PACSIN2: variants seen among roughly 807,000 people sequenced by gnomAD.
The protein encoded by PACSIN2 is protein kinase C and casein kinase substrate in neurons protein 2.
Under a neutral mutation model 63.8 loss-of-function variants are expected in PACSIN2, and 25 were observed. That is an observed-to-expected ratio of 0.39 (90% CI 0.29 to 0.55). The LOEUF (loss-of-function observed/expected upper bound fraction) is 0.55, where lower values mean the gene tolerates loss of function less well. Ranked by LOEUF, PACSIN2 falls within the 20% of genes least tolerant of loss-of-function variation. The pLI is 0.62. For synonymous variants in PACSIN2, 255 were observed against 256.2 expected, an observed-to-expected ratio of 1.00 and a Z score of 0.05; for missense variants, 518 against 646.9, an observed-to-expected ratio of 0.80 and a Z score of 2.16.
chr22:43,014,645 C>T (rs942307430), intron 1 of PACSIN2, among the ~76,000 whole-genome samples: 1 of 151,958 alleles, frequency 6.6e-6, no homozygotes, highest in Non-Finnish European at 1.5e-5. Flanking sequence ...CTGTCTACAC[C>T]TCCCCCACTC....
chr22:42,941,878 G>A lies in PACSIN2; in HGVS notation c.-77-29721C>T, dbSNP rs187601278. Reference sequence around the variant, plus strand: ...TGCAACCTCTGACTCCTGGGTTCAAGCGATTCTCCTGCCTCAGCCTCCTGA... The same window carrying A: ...TGCAACCTCTGACTCCTGGGTTCAAACGATTCTCCTGCCTCAGCCTCCTGA... On this transcript the variant is annotated intron_variant, in intron 1 of 10. Coordinates refer to ENST00000263246, the MANE Select transcript of PACSIN2 (RefSeq NM_001184970.3). Among the ~76,000 whole-genome samples, 378 of 152,280 alleles carry A rather than the reference G, an allele frequency of 2.5e-3. 2 individuals are homozygous for A. The highest frequency in any genetic ancestry group is 7.9e-3 in the South Asian group (38 of 4,826).
intron 1 of PACSIN2, among the ~76,000 whole-genome samples, chr22:42,951,953 A>G (rs1032362502): frequency 3.6e-4 from 55 of 152,176 alleles, no homozygotes; most frequent in African/African-American, 1.3e-3. Context: ...TCTGCCGGGA[A>G]TACCTGCCTC....
intron 1 of PACSIN2, among the ~76,000 whole-genome samples, chr22:42,914,996 T>G (rs1931718651): frequency 6.6e-6 from 1 of 152,126 alleles, no homozygotes; most frequent in South Asian, 2.1e-4. Context: ...CCTGAGTAGC[T>G]GGGACTACAG....
chr22:42,979,694 A>C (rs5759069), intron 1 of PACSIN2, among the ~76,000 whole-genome samples: 1 of 151,554 alleles, frequency 6.6e-6, no homozygotes, highest in East Asian at 1.9e-4. Flanking sequence ...CTCTGTCTTA[A>C]GGCACCTGCC....
chr22:42,908,656 G>GC (rs2146713575), intron 2 of PACSIN2, among the ~76,000 whole-genome samples: 1 of 152,256 alleles, frequency 6.6e-6, no homozygotes, highest in East Asian at 1.9e-4. Context: ...CCTCCACTTG[G>GC]CCCCCGCCAC....
intron 1 of PACSIN2, among the ~76,000 whole-genome samples, chr22:42,918,291 T>C (rs1024358456): frequency 6.6e-6 from 1 of 152,056 alleles, no homozygotes; most frequent in Non-Finnish European, 1.5e-5. Flanking sequence ...CTGAATTATA[T>C]CCCCCAAAGA....
At chr22:42,994,319 G>C (rs140381658) in intron 1 of PACSIN2, among the ~76,000 whole-genome samples, 1 of 152,144 alleles carries the variant, frequency 6.6e-6, no homozygotes, top group Non-Finnish European at 1.5e-5. Flanking sequence ...CCATGTGTCA[G>C]ATAGGGAGGG....
chr22:42,919,696 C>A (rs970845111), intron 1 of PACSIN2, among the ~76,000 whole-genome samples: 1 of 139,986 alleles, frequency 7.1e-6, no homozygotes, highest in Non-Finnish European at 1.5e-5. Flanking sequence ...TCACTTGAAC[C>A]CGGGAAGTGG....
intron 1 of PACSIN2, among the ~76,000 whole-genome samples, chr22:42,978,009 C>A (rs1921826366): frequency 6.6e-6 from 1 of 152,182 alleles, no homozygotes; most frequent in African/African-American, 2.4e-5. Context: ...CTGAAAAAGA[C>A]TAGAGCAATT....
intron 1 of PACSIN2, among the ~76,000 whole-genome samples, chr22:42,951,425 C>T (rs554255745): frequency 1.3e-5 from 2 of 152,290 alleles, no homozygotes; most frequent in East Asian, 3.9e-4. Flanking sequence ...AAAATTCCAT[C>T]CACGTGCTGA....
rs576814946 is a variant in PACSIN2 at position 42,958,971 on chromosome 22, T to C, written c.-77-46814A>G. Reference sequence around the variant, plus strand: ...CCAGAATATGACTTCTAAGAAACAATTGAATACGTACATAAGGCTGCTCAG... The same window carrying C: ...CCAGAATATGACTTCTAAGAAACAACTGAATACGTACATAAGGCTGCTCAG... On this transcript the variant is annotated intron_variant, in intron 1 of 10. Coordinates refer to ENST00000263246, the MANE Select transcript of PACSIN2 (RefSeq NM_001184970.3). Among the ~76,000 whole-genome samples the C allele has an allele frequency of 7.8e-4, 119 of 152,314 alleles. 1 individual carries two copies. The highest frequency in any genetic ancestry group is 2.3e-3 in the African/African-American group (94 of 41,568).
chr22:42,923,907 T>C (rs1337489490), intron 1 of PACSIN2, among the ~76,000 whole-genome samples: 3 of 152,068 alleles, frequency 2.0e-5, no homozygotes, highest in African/African-American at 4.8e-5. Flanking sequence ...CCAGGTGTGG[T>C]AGTGCACGCC....
At chr22:42,980,418 C>T (rs1922002944) in intron 1 of PACSIN2, among the ~76,000 whole-genome samples, 1 of 151,884 alleles carries the variant, frequency 6.6e-6, no homozygotes, top group African/African-American at 2.4e-5. Flanking sequence ...CACCACGACA[C>T]TCCAGCCTGG....
At chr22:42,876,791 C>G in intron 9 of PACSIN2, 97 bp downstream of exon 9, 1 of 1,503,418 alleles carries the variant, frequency 6.7e-7, no homozygotes, top group Non-Finnish European at 9.2e-7. Flanking sequence ...GAGCTCCGTG[C>G]ATTGCCGAGT....
chr22:42,892,752 C>A (rs1930002675), intron 3 of PACSIN2, among the ~76,000 whole-genome samples: 1 of 152,224 alleles, frequency 6.6e-6, no homozygotes, highest in Non-Finnish European at 1.5e-5. Context: ...GACCTGGCTC[C>A]CCTGATTGGC....
chr22:42,873,610 G>A (rs34274702), intron 10 of PACSIN2, among the ~76,000 whole-genome samples: 1 of 152,184 alleles, frequency 6.6e-6, no homozygotes, highest in Non-Finnish European at 1.5e-5. Context: ...GTGTAGCCTA[G>A]GGGCAAGGGC....
chr22:42,915,467 G>C (rs1453302927), intron 1 of PACSIN2, among the ~76,000 whole-genome samples: 1 of 152,122 alleles, frequency 6.6e-6, no homozygotes, highest in Non-Finnish European at 1.5e-5. Flanking sequence ...CAGCAACAGT[G>C]ACATCCTGTA....
intron 1 of PACSIN2, among the ~76,000 whole-genome samples, chr22:42,950,821 G>A (rs1933657210): frequency 6.6e-6 from 1 of 152,174 alleles, no homozygotes; most frequent in African/African-American, 2.4e-5. Context: ...CAGGCACCTC[G>A]CTGGGCCTGT....
chr22:42,989,817 A>G (rs1922889327), intron 1 of PACSIN2, among the ~76,000 whole-genome samples: 1 of 149,550 alleles, frequency 6.7e-6, no homozygotes, highest in African/African-American at 2.5e-5. Flanking sequence ...ACAAAACAAG[A>G]AAGAAAAAAA....
Sources: gnomAD v4.1 joint callset for allele counts (sites outside exome capture counted in the v4.1 genomes callset) on GRCh38, gnomAD v4.1.1 for gene constraint, MANE v1.5 for transcripts, NCBI Gene and HGNC (gene_info 2026-07-23, HGNC 2026-07-21) for gene names.